FBXL5: variants seen among roughly 807,000 people sequenced by gnomAD.
FBXL5 encodes F-box/LRR-repeat protein 5.
FBXL5 carries 26 observed loss-of-function variants against 78.3 expected under a neutral mutation model. That is an observed-to-expected ratio of 0.33 (90% CI 0.24 to 0.46). The LOEUF is 0.46. Among genes scored for constraint, FBXL5 ranks in the 20% least tolerant of loss-of-function variants. FBXL5 has a pLI of 1.00. For synonymous variants in FBXL5, 295 were observed against 282.5 expected (o/e 1.04, Z -0.45); for missense variants, 710 against 829.2 (o/e 0.86, Z 1.77).
At chr4:15,644,128 T>C (rs1300213830) in intron 2 of FBXL5, among the ~76,000 whole-genome samples, 2 of 152,232 alleles carry the variant, frequency 1.3e-5, no homozygotes, top group Non-Finnish European at 2.9e-5. Flanking sequence ...ATCAAACTAC[T>C]GATCCTTCAA....
At chr4:15,673,596 C>T (rs919827730) in intron 1 of FBXL5, among the ~76,000 whole-genome samples, 8 of 152,164 alleles carry the variant, frequency 5.3e-5, no homozygotes, top group African/African-American at 1.9e-4. Flanking sequence ...TATCATTGAA[C>T]AAAATGTCTT....
intron 5 of FBXL5, among the ~76,000 whole-genome samples, chr4:15,632,540 C>T (rs1713786642): frequency 6.6e-6 from 1 of 152,170 alleles, no homozygotes; most frequent in African/African-American, 2.4e-5. Flanking sequence ...TTCTTCCTAT[C>T]CATGAGCATG....
intron 9 of FBXL5, among the ~76,000 whole-genome samples, chr4:15,613,293 T>C (rs1286812610): frequency 6.6e-6 from 1 of 152,192 alleles, no homozygotes; most frequent in Non-Finnish European, 1.5e-5. Context: ...ACCCTGTAAA[T>C]ATACTAAAAA....
At chr4:15,680,155 G>A (rs1186475280) in intron 1 of FBXL5, among the ~76,000 whole-genome samples, 1 of 151,864 alleles carries the variant, frequency 6.6e-6, no homozygotes, top group African/African-American at 2.4e-5. Context: ...AATATTGAAG[G>A]AGAGACCGAG....
rs1721814375 is a variant in FBXL5, at chr4:15,605,352, T to C, written c.*371A>G. On this transcript the variant is annotated 3_prime_UTR_variant, in exon 11 of 11. Coordinates refer to ENST00000341285, the MANE Select transcript of FBXL5 (RefSeq NM_012161.4). ...GTGTGTCGGAAAAGATCTGCAAAGCTTGGTACAGTGTTAATGTGTAAAGAG... is the reference window on the plus strand; with the variant it reads ...GTGTGTCGGAAAAGATCTGCAAAGCCTGGTACAGTGTTAATGTGTAAAGAG... 6.3e-6 allele frequency: 1 copy of C among 158,270 alleles called. No individual in the cohort carries two copies. The highest frequency in any genetic ancestry group is 1.9e-4 in the South Asian group (1 of 5,172). The allele number at this position is 158,270 out of a possible 1,614,324, so 9.8% of individuals were successfully genotyped here.
intron 10 of FBXL5, among the ~76,000 whole-genome samples, chr4:15,606,928 A>G (rs10433813): frequency 0.65 from 98,452 of 152,032 alleles, 32,284 homozygotes; most frequent in East Asian, 0.89. Context: ...CAAGTAAGCT[A>G]ATACTACCAT....
chr4:15,628,079 A>G (rs764040130), intron 6 of FBXL5, 46 bp from the exon 7 acceptor site: 4 of 1,578,212 alleles, frequency 2.5e-6, no homozygotes, highest in Non-Finnish European at 3.5e-6. Context: ...AACTGATAAT[A>G]ATTAAGCTAC....
At position 15,625,415 on chromosome 4, in the gene FBXL5, G is replaced by A; in HGVS notation, c.1687C>T (p.Leu563Phe). ...CTACACATTGCAGAAGATTCTGGGA[G>A]TGATGACATAGTTCTTAAAGCTGTT... is the stretch of plus-strand genomic sequence containing the variant. ...TGTALRTMSS[L>F]PESSAMCRKA... Residue 563 changes from leucine (L) to phenylalanine (F), a missense_variant, in exon 9 of 11, where the codon CTC (leucine) becomes TTC (phenylalanine). Transcript: ENST00000341285. 6.2e-7 allele frequency: 1 copy of A among 1,614,144 alleles called. No individual in the cohort carries two copies. The highest frequency in any genetic ancestry group is 8.5e-7 in the Non-Finnish European group (1 of 1,180,026).
intron 5 of FBXL5, among the ~76,000 whole-genome samples, chr4:15,631,894 T>C (rs538879018): frequency 1.3e-5 from 2 of 152,348 alleles, no homozygotes; most frequent in Non-Finnish European, 2.9e-5. Flanking sequence ...GTAGTTTCTT[T>C]TGCCATGCAG....
chr4:15,624,464 C>G (rs1560217774), intron 9 of FBXL5, among the ~76,000 whole-genome samples: 1 of 152,090 alleles, frequency 6.6e-6, no homozygotes, highest in Non-Finnish European at 1.5e-5. Flanking sequence ...ATGGTATTTT[C>G]TCCAACAGTG....
At chr4:15,656,901 CA>C (rs569861774), upstream of FBXL5, among the ~76,000 whole-genome samples, 197 of 151,114 alleles carry the variant, frequency 1.3e-3, no homozygotes, top group African/African-American at 4.5e-3. Context: ...TAGGGTCCCA[CA>C]AATTAGTAAG....
intron 1 of FBXL5, among the ~76,000 whole-genome samples, chr4:15,647,719 G>A (rs1385787661): frequency 6.6e-6 from 1 of 152,144 alleles, no homozygotes; most frequent in Admixed American, 6.5e-5. Flanking sequence ...ACCTAGCACA[G>A]TAGTTAAAAG....
At chr4:15,680,454 T>C (rs1427240712) in intron 1 of FBXL5, among the ~76,000 whole-genome samples, 6 of 152,180 alleles carry the variant, frequency 3.9e-5, no homozygotes, top group African/African-American at 7.2e-5. Context: ...GTGGATCACC[T>C]GAGGTCAGGA....
intron 4 of FBXL5, 40 bp from the exon 5 acceptor site, chr4:15,636,716 G>C (rs1433153079): frequency 7.2e-7 from 1 of 1,379,608 alleles, no homozygotes; most frequent in Non-Finnish European, 9.7e-7. Flanking sequence ...AAAGGCTAAA[G>C]AGCATATGCA....
chr4:15,663,948 T>G (rs1717423520), upstream of FBXL5, among the ~76,000 whole-genome samples: 1 of 152,192 alleles, frequency 6.6e-6, no homozygotes, highest in Non-Finnish European at 1.5e-5. Context: ...GGTTTTAGAG[T>G]ATTTATATTC....
intron 1 of FBXL5, among the ~76,000 whole-genome samples, chr4:15,670,634 C>G (rs1717721823): frequency 6.6e-6 from 1 of 151,912 alleles, no homozygotes; most frequent in Non-Finnish European, 1.5e-5. Context: ...TGCCCCTGGG[C>G]CCCTCCCCCC....
At chr4:15,661,919 G>A (rs1174703737), upstream of FBXL5, among the ~76,000 whole-genome samples, 1 of 152,186 alleles carries the variant, frequency 6.6e-6, no homozygotes, top group Non-Finnish European at 1.5e-5. Flanking sequence ...CATCCTCATA[G>A]GCTGTTAGAA....
At chr4:15,626,014 T>A (rs780220405) in intron 8 of FBXL5, 37 bp from the exon 9 acceptor site, 8 of 1,494,554 alleles carry the variant, frequency 5.4e-6, no homozygotes, top group Non-Finnish European at 7.1e-6. Context: ...TGAATATTGT[T>A]AAATTTTTCA....
At chr4:15,605,876 T>TA in intron 10 of FBXL5, 77 bp from the exon 11 acceptor site, 1 of 927,396 alleles carries the variant, frequency 1.1e-6, no homozygotes, top group Non-Finnish European at 1.7e-6. Flanking sequence ...ATGAAGGAGT[T>TA]AAACATTCAT....
Sources: allele counts gnomAD v4.1 joint callset (sites outside exome capture counted in the v4.1 genomes callset), GRCh38; gene constraint gnomAD v4.1.1; transcripts MANE v1.5; gene names NCBI Gene and HGNC (gene_info 2026-07-23, HGNC 2026-07-21).